The following SHANK2 variants were observed in gnomAD, a reference collection of about 807,000 sequenced individuals.
SHANK2 encodes the protein SH3 and multiple ankyrin repeat domains 2.
In SHANK2, 43 loss-of-function variants were observed where a neutral mutation model predicts 133.7. The ratio of observed to expected loss-of-function variants is 0.32; its 90% CI spans 0.25 to 0.41. The LOEUF (loss-of-function observed/expected upper bound fraction) is 0.41, where lower values mean the gene tolerates loss of function less well. SHANK2 is among the 10% of genes least tolerant of loss of function. The pLI, the probability that SHANK2 is intolerant of heterozygous loss-of-function variation, is 1.00. For synonymous variants in SHANK2, 1,017 were observed against 952.8 expected (o/e 1.07, Z -1.24); for missense variants, 1,994 against 2,235.8 (o/e 0.89, Z 2.18).
At chr11:70,857,420 C>A (rs1949189200) in intron 11 of SHANK2, among the ~76,000 whole-genome samples, 2 of 152,190 alleles carry the variant, frequency 1.3e-5, no homozygotes, top group Non-Finnish European at 2.9e-5. Context: ...GGAGGCTAAG[C>A]CCTCCCAGGC....
At chr11:70,864,558 G>T (rs182574040) in intron 11 of SHANK2, 1 of 152,238 alleles carries the variant, frequency 6.6e-6, no homozygotes, top group East Asian at 1.9e-4. Context: ...AAAAGCAGCC[G>T]TATTGGGGGA....
chr11:71,212,203 T>C (rs1262629197), intron 2 of SHANK2, among the ~76,000 whole-genome samples: 1 of 152,152 alleles, frequency 6.6e-6, no homozygotes, highest in Non-Finnish European at 1.5e-5. Flanking sequence ...ATGTTAACTG[T>C]ACAAATGCTC....
chr11:71,123,446 C>T (rs1952115436), intron 3 of SHANK2, among the ~76,000 whole-genome samples: 1 of 152,162 alleles, frequency 6.6e-6, no homozygotes, highest in Admixed American at 6.5e-5. Flanking sequence ...TAGGCTGCTG[C>T]CCAGGAATAC....
In SHANK2 at chr11:70,602,131, C is replaced by T. The variant is rs191998821; in HGVS notation, c.2061+57697G>A. Among the ~76,000 whole-genome samples, 259 of 152,288 alleles carry T rather than the reference C, an allele frequency of 1.7e-3. 1 individual carries two copies. The highest frequency in any genetic ancestry group is 5.8e-3 in the African/African-American group (241 of 41,554). On this transcript the variant is annotated intron_variant, in intron 17 of 25. Coordinates refer to ENST00000601538, the MANE Select transcript of SHANK2 (RefSeq NM_012309.5). ...GTGGCAGCTCCCCCTTGCTTGCTTTCGCTCTTGCTTCTGCTGTGTGAACTG... is the reference window on the plus strand; with the variant it reads ...GTGGCAGCTCCCCCTTGCTTGCTTTTGCTCTTGCTTCTGCTGTGTGAACTG...
At chr11:70,713,075 C>T (rs1230055886) in intron 14 of SHANK2, among the ~76,000 whole-genome samples, 6 of 152,256 alleles carry the variant, frequency 3.9e-5, no homozygotes, top group Non-Finnish European at 2.9e-5. Context: ...GCTTTGAATT[C>T]CCTTAACATT....
chr11:70,587,883 T>A (rs1478482258), intron 17 of SHANK2, among the ~76,000 whole-genome samples: 2 of 152,096 alleles, frequency 1.3e-5, no homozygotes, highest in Non-Finnish European at 2.9e-5. Flanking sequence ...GGCAAGTAAA[T>A]CTGTTGGTGC....
At chr11:70,665,393 A>G (rs1198605) in intron 15 of SHANK2, among the ~76,000 whole-genome samples, 87,052 of 151,404 alleles carry the variant, frequency 0.57, 25,334 homozygotes, top group Non-Finnish European at 0.62. Context: ...CTCCCTTCTC[A>G]GCCTCCAAGG....
intron 17 of SHANK2, among the ~76,000 whole-genome samples, chr11:70,613,449 C>T (rs2060692019): frequency 6.6e-6 from 1 of 152,158 alleles, no homozygotes; most frequent in African/African-American, 2.4e-5. Flanking sequence ...GTGATCCGCC[C>T]ACCTCGGCCT....
chr11:70,595,588 A>C (rs2060388839), intron 17 of SHANK2, among the ~76,000 whole-genome samples: 2 of 152,266 alleles, frequency 1.3e-5, no homozygotes, highest in South Asian at 4.1e-4. Context: ...GAGGTGAGGG[A>C]AAGTTGAGAA....
chr11:70,877,437 C>G (rs1949586435), intron 11 of SHANK2, among the ~76,000 whole-genome samples: 1 of 152,244 alleles, frequency 6.6e-6, no homozygotes, highest in Admixed American at 6.5e-5. Flanking sequence ...AACACCCTTC[C>G]CCTGCCTGCT....
chr11:71,104,713 A>G (rs1951776296), intron 6 of SHANK2, among the ~76,000 whole-genome samples: 4 of 151,478 alleles, frequency 2.6e-5, no homozygotes, highest in Admixed American at 2.6e-4. Context: ...CTTTTCCCCC[A>G]TCACCCTGGG....
chr11:70,873,779 A>G (rs1733770968), intron 11 of SHANK2, among the ~76,000 whole-genome samples: 1 of 150,064 alleles, frequency 6.7e-6, no homozygotes, highest in African/African-American at 2.5e-5. Flanking sequence ...CAACTTTGCT[A>G]TTGTTTACAA....
intron 17 of SHANK2, among the ~76,000 whole-genome samples, chr11:70,658,552 A>G (rs2061441184): frequency 6.6e-6 from 1 of 152,200 alleles, no homozygotes; most frequent in South Asian, 2.1e-4. Context: ...TCTTCCAGCA[A>G]ATCAAAGAGA....
intron 17 of SHANK2, among the ~76,000 whole-genome samples, chr11:70,545,344 C>A (rs903271763): frequency 1.9e-4 from 29 of 152,240 alleles, no homozygotes; most frequent in African/African-American, 7.0e-4. Context: ...TTCACGGCCC[C>A]TGACTCACTG....
chr11:71,083,414 G>A (rs1951327782), intron 8 of SHANK2, among the ~76,000 whole-genome samples: 1 of 152,166 alleles, frequency 6.6e-6, no homozygotes, highest in Non-Finnish European at 1.5e-5. Flanking sequence ...TTCTGTCATA[G>A]CTGTCTCCAG....
intron 17 of SHANK2, among the ~76,000 whole-genome samples, chr11:70,585,738 G>GCCATCCAT (rs139409521): frequency 8.0e-5 from 12 of 149,962 alleles, no homozygotes; most frequent in African/African-American, 2.5e-4. Context: ...CATCCAACTA[G>GCCATCCAT]CCATCCATCC....
chr11:70,918,512 T>C (rs1281557703), intron 10 of SHANK2, among the ~76,000 whole-genome samples: 1 of 152,204 alleles, frequency 6.6e-6, no homozygotes, highest in East Asian at 1.9e-4. Flanking sequence ...ATTGATTTTT[T>C]ATTTTTTTGA....
chr11:71,212,830 C>T (rs1954310878), intron 2 of SHANK2, among the ~76,000 whole-genome samples: 1 of 152,152 alleles, frequency 6.6e-6, no homozygotes, highest in South Asian at 2.1e-4. Context: ...CCATTTCCCT[C>T]ACTGGGTAAC....
chr11:70,835,425 G>GGA (rs1296664980), intron 11 of SHANK2, among the ~76,000 whole-genome samples: 1 of 152,230 alleles, frequency 6.6e-6, no homozygotes, highest in Non-Finnish European at 1.5e-5. Context: ...CGAGGACACA[G>GGA]GACGCTCAGT....
Sources: allele counts gnomAD v4.1 joint callset (sites outside exome capture counted in the v4.1 genomes callset), GRCh38; gene constraint gnomAD v4.1.1; transcripts MANE v1.5; gene names NCBI Gene and HGNC (gene_info 2026-07-23, HGNC 2026-07-21).